TTC39B: variants seen among roughly 807,000 people sequenced by gnomAD.
TTC39B encodes tetratricopeptide repeat protein 39B.
Under a neutral mutation model 96.6 loss-of-function variants are expected in TTC39B, and 92 were observed. The observed-to-expected ratio is 0.95, with a 90% confidence interval of 0.80 to 1.13. The LOEUF is 1.13. TTC39B is among the 50% of genes most tolerant of loss of function. The pLI, the probability that TTC39B is intolerant of heterozygous loss-of-function variation, is 0.00. For missense variants in TTC39B, 955 were observed against 809.3 expected (o/e 1.18, Z -2.18); for synonymous variants, 367 against 299.4 (o/e 1.23, Z -2.33).
At chr9:15,223,348 G>A (rs1483817259) in intron 3 of TTC39B, among the ~76,000 whole-genome samples, 1 of 152,210 alleles carries the variant, frequency 6.6e-6, no homozygotes. Flanking sequence ...CCAGAAATTA[G>A]AAGGTGGAGC....
At chr9:15,246,579 A>G (rs989399941) in intron 2 of TTC39B, among the ~76,000 whole-genome samples, 2 of 152,176 alleles carry the variant, frequency 1.3e-5, no homozygotes, top group African/African-American at 2.4e-5. Context: ...TGACCAATAC[A>G]ACACTGTGTT....
At chr9:15,193,986 G>C (rs1405240346) in intron 8 of TTC39B, among the ~76,000 whole-genome samples, 1 of 152,172 alleles carries the variant, frequency 6.6e-6, no homozygotes, top group Non-Finnish European at 1.5e-5. Context: ...TCCTGAGCCA[G>C]AAAAAGGGCA....
At chr9:15,227,105 G>A (rs1382572325) in intron 2 of TTC39B, among the ~76,000 whole-genome samples, 1 of 152,020 alleles carries the variant, frequency 6.6e-6, no homozygotes. Flanking sequence ...TCAGGAGTTC[G>A]AGACCAGCCT....
exon 7 of TTC39B, chr9:15,203,840 C>A (rs1400494222): frequency 6.2e-7 from 1 of 1,613,092 alleles, no homozygotes; most frequent in East Asian, 2.2e-5. Context: ...AACGTGAGTG[C>A]AGCTTTCTGT....
chr9:15,281,640 A>AAAAAAAAAAAAAAAAAAAAAAAAAC lies in TTC39B; in HGVS notation c.241-13693_241-13692insGTTTTTTTTTTTTTTTTTTTTTTTT, dbSNP rs1823765326. On this transcript the variant is annotated intron_variant, in intron 1 of 19. Coordinates refer to ENST00000512701, the Ensembl canonical transcript of TTC39B. ...CCTGCAACAGCAAAAAAAAAAAAAA[A>AAAAAAAAAAAAAAAAAAAAAAAAAC]AAAAAAAAAATGGCAAAAAGCTAAA... Among the ~76,000 whole-genome samples, 2 of 148,034 alleles carry AAAAAAAAAAAAAAAAAAAAAAAAAC rather than the reference A, an allele frequency of 1.4e-5. 1 individual carries two copies. The highest frequency in any genetic ancestry group is 5.3e-5 in the African/African-American group (2 of 37,972).
At chr9:15,226,116 C>T (rs985549437) in intron 2 of TTC39B, 104 bp from the exon 3 acceptor site, 2 of 836,718 alleles carry the variant, frequency 2.4e-6, no homozygotes, top group South Asian at 2.0e-5. Flanking sequence ...TATTTTTATA[C>T]ATCTTACCTC....
chr9:15,226,226 T>C (rs1192174476), intron 2 of TTC39B, among the ~76,000 whole-genome samples: 1 of 152,186 alleles, frequency 6.6e-6, no homozygotes, highest in East Asian at 1.9e-4. Flanking sequence ...TTCATTCTAG[T>C]ACACAAAAAA....
At chr9:15,182,284 C>A (rs368563601) in intron 17 of TTC39B, 23 bp downstream of exon 17, 1 of 1,494,328 alleles carries the variant, frequency 6.7e-7, no homozygotes, top group South Asian at 1.2e-5. Context: ...AAAGGCTCCT[C>A]GGTGCTTACT....
At chr9:15,165,688 G>A (rs1023216651) in exon 20 of TTC39B, 3 of 152,198 alleles carry the variant, frequency 2.0e-5, no homozygotes, top group Admixed American at 6.5e-5. Context: ...GAAGTGCTGA[G>A]CAAAGGGGGA....
At chr9:15,305,559 G>T (rs1824728568) in intron 1 of TTC39B, among the ~76,000 whole-genome samples, 1 of 151,948 alleles carries the variant, frequency 6.6e-6, no homozygotes, top group Non-Finnish European at 1.5e-5. Flanking sequence ...CATCTTTTCT[G>T]CAGTCTTTCA....
chr9:15,272,568 C>G (rs1823395746), intron 1 of TTC39B, among the ~76,000 whole-genome samples: 1 of 152,182 alleles, frequency 6.6e-6, no homozygotes, highest in Admixed American at 6.5e-5. Context: ...TGAAGTGCTA[C>G]TACTGTAGGG....
chr9:15,233,735 G>A (rs1263372847), intron 2 of TTC39B, among the ~76,000 whole-genome samples: 1 of 152,162 alleles, frequency 6.6e-6, no homozygotes, highest in Non-Finnish European at 1.5e-5. Flanking sequence ...GCCTGCCTTG[G>A]CCTCCCAAAG....
chr9:15,185,418 C>T lies in TTC39B; in HGVS notation c.1488-12G>A. On this transcript the variant is annotated splice_polypyrimidine_tract_variant and intron_variant, in intron 15 of 19. Coordinates refer to ENST00000512701, the Ensembl canonical transcript of TTC39B. ...AGCTGTCCACCTGTCTGTGAAGAACCCCAGCCCAGCCCCAGAGAAAGGTCA... is the reference window on the plus strand; with the variant it reads ...AGCTGTCCACCTGTCTGTGAAGAACTCCAGCCCAGCCCCAGAGAAAGGTCA... 2 of 1,612,884 alleles carry T rather than the reference C, an allele frequency of 1.2e-6. No individual in the cohort carries two copies. The highest frequency in any genetic ancestry group is 1.1e-5 in the South Asian group (1 of 90,960).
At chr9:15,211,484 C>T in intron 4 of TTC39B, 87 bp from the exon 5 acceptor site, 3 of 1,189,772 alleles carry the variant, frequency 2.5e-6, no homozygotes, top group South Asian at 2.5e-5. Flanking sequence ...TCCTGACTTG[C>T]ACAGTAACCT....
At chr9:15,180,154 A>G (rs1347410191) in intron 17 of TTC39B, among the ~76,000 whole-genome samples, 2 of 152,230 alleles carry the variant, frequency 1.3e-5, no homozygotes, top group Non-Finnish European at 2.9e-5. Context: ...TAGGCTGAGA[A>G]ACAGGGAAGT....
At chr9:15,243,960 C>G (rs1004657788) in intron 2 of TTC39B, among the ~76,000 whole-genome samples, 4 of 152,190 alleles carry the variant, frequency 2.6e-5, no homozygotes. Context: ...TGCTTACTAT[C>G]TCTTTCAGCA....
chr9:15,298,864 C>T (rs948383038), intron 1 of TTC39B, among the ~76,000 whole-genome samples: 5 of 152,202 alleles, frequency 3.3e-5, no homozygotes, highest in African/African-American at 1.2e-4. Context: ...CTCACCTCTG[C>T]ACCTTATCCC....
intron 2 of TTC39B, among the ~76,000 whole-genome samples, chr9:15,246,231 CAA>C: frequency 6.6e-6 from 1 of 152,106 alleles, no homozygotes; most frequent in African/African-American, 2.4e-5. Flanking sequence ...CCAGCCTGGG[CAA>C]CCAGAGTGAC....
chr9:15,210,185 G>C (rs1394715270), intron 5 of TTC39B, 21 bp from the exon 6 acceptor site: 2 of 1,490,140 alleles, frequency 1.3e-6, no homozygotes, highest in Non-Finnish European at 1.8e-6. Context: ...TAAATAAAAA[G>C]GGAGATAGAA....
Sources: allele counts gnomAD v4.1 joint callset (sites outside exome capture counted in the v4.1 genomes callset), GRCh38; gene constraint gnomAD v4.1.1; transcripts MANE v1.5; gene names NCBI Gene and HGNC (gene_info 2026-07-23, HGNC 2026-07-21).